The following RAB30 variants were observed in gnomAD, a reference collection of about 807,000 sequenced individuals.
RAB30 encodes the protein ras-related protein Rab-30.
A neutral mutation model predicts 25.1 loss-of-function variants in RAB30; 9 were observed. The observed-to-expected ratio is 0.36, with a 90% CI of 0.22 to 0.63. RAB30 has a LOEUF of 0.63. RAB30 is among the 20% of genes least tolerant of loss of function. The probability of loss-of-function intolerance (pLI) is 0.69; values close to 1 mark genes in which losing one functional copy is unlikely to be tolerated. For synonymous variants in RAB30, 77 were observed against 86.4 expected, an observed-to-expected ratio of 0.89 and a Z score of 0.60; for missense variants, 140 against 243.5, an observed-to-expected ratio of 0.58 and a Z score of 2.83.
intron 4 of RAB30, among the ~76,000 whole-genome samples, chr11:82,983,253 C>T (rs2121431094): frequency 1.3e-5 from 2 of 152,026 alleles, no homozygotes; most frequent in South Asian, 4.2e-4. Context: ...GGAATAGAAA[C>T]CAGACCTCTC....
At chr11:82,990,831 A>G (rs1184241796) in intron 3 of RAB30, among the ~76,000 whole-genome samples, 1 of 152,134 alleles carries the variant, frequency 6.6e-6, no homozygotes, top group East Asian at 1.9e-4. Context: ...CATACAGTTC[A>G]GTGGTCTATA....
chr11:83,070,483 GT>G (rs1389275723), intron 1 of RAB30, among the ~76,000 whole-genome samples: 1 of 152,212 alleles, frequency 6.6e-6, no homozygotes, highest in Non-Finnish European at 1.5e-5. Flanking sequence ...GCATTCTAGA[GT>G]TAAGCAAATA....
At chr11:82,997,447 C>A in intron 1 of RAB30, 123 bp from the exon 2 acceptor site, 1 of 680,950 alleles carries the variant, frequency 1.5e-6, no homozygotes, top group Non-Finnish European at 2.6e-6. Context: ...ATTTAAAGCT[C>A]CCCTCCGGTG....
rs371246539 is a variant in RAB30, at chr11:82,996,355, A to C, written c.93+869T>G. The stretch of plus-strand genomic sequence containing the variant: ...CAGGCTCACAGAGCAAGCCAGGGGC[A>C]GAACCAGGACTAAGACCCATGTCTC... On this transcript the variant is annotated intron_variant, in intron 2 of 4. Coordinates refer to ENST00000527633, the MANE Select transcript of RAB30 (RefSeq NM_001286060.2). Among the ~76,000 whole-genome samples, 18 of 152,340 alleles carry C rather than the reference A, an allele frequency of 1.2e-4. No individual in the cohort carries two copies. In the East Asian group the frequency reaches 3.3e-3, roughly 28 times the overall value.
Position 82,978,537 on chromosome 11 carries a change from T to C in RAB30, c.*3628A>G, listed in dbSNP as rs1446105096. On this transcript the variant is annotated 3_prime_UTR_variant, in exon 5 of 5. Coordinates refer to ENST00000527633, the MANE Select transcript of RAB30 (RefSeq NM_001286060.2). ...TTTTCTGATTGTGCTATTTCATTCATGTGGCTTGGCTTAAAAGAAGATGTT... is the reference window on the plus strand; with the variant it reads ...TTTTCTGATTGTGCTATTTCATTCACGTGGCTTGGCTTAAAAGAAGATGTT... 6.6e-6 allele frequency: 1 copy of C among 151,782 alleles called. No individual in the cohort carries two copies. Among genetic ancestry groups the C allele is most frequent in the African/African-American group, 2.4e-5 (1 of 41,364 alleles). 9.4% of individuals were successfully genotyped at this position (151,782 alleles called of 1,614,324 possible).
chr11:82,997,616 A>G, intron 1 of RAB30: 1 of 325,834 alleles, frequency 3.1e-6, no homozygotes, highest in Non-Finnish European at 5.8e-6. Context: ...CCTGTGATAA[A>G]TCTGTTTTCT....
intron 3 of RAB30, among the ~76,000 whole-genome samples, chr11:82,991,346 A>G (rs1375738441): frequency 6.6e-6 from 1 of 151,852 alleles, no homozygotes; most frequent in East Asian, 1.9e-4. Context: ...CAAAAAATAA[A>G]AATAAAAATG....
chr11:83,063,627 T>C (rs771659154), intron 1 of RAB30, among the ~76,000 whole-genome samples: 4 of 152,202 alleles, frequency 2.6e-5, no homozygotes, highest in Non-Finnish European at 5.9e-5. Context: ...CCCCGTTCTG[T>C]TCACCCTTCG....
chr11:83,021,834 T>C (rs1172352968), intron 1 of RAB30, among the ~76,000 whole-genome samples: 1 of 152,248 alleles, frequency 6.6e-6, no homozygotes, highest in Non-Finnish European at 1.5e-5. Context: ...GTAAAGCATC[T>C]GTCACAGTAC....
rs2121413307 is a variant in RAB30, at chr11:82,973,844, G to A, written c.*8321C>T. ...AGCAGCATTATTATAATCAAAAGGT[G>A]GAAAAAACCCAAATGTCCATCAAAT... On this transcript the variant is annotated 3_prime_UTR_variant, in exon 5 of 5. Transcript: ENST00000527633. 1 of 152,056 alleles carries A rather than the reference G, an allele frequency of 6.6e-6. No individual in the cohort carries two copies. The highest frequency in any genetic ancestry group is 3.4e-3 in the Middle Eastern group (1 of 292). 9.4% of individuals were successfully genotyped at this position (152,056 alleles called of 1,614,324 possible).
chr11:83,036,023 T>A (rs978932217), intron 1 of RAB30, among the ~76,000 whole-genome samples: 4 of 152,146 alleles, frequency 2.6e-5, no homozygotes, highest in African/African-American at 9.7e-5. Flanking sequence ...GGTGGGTACA[T>A]TCACAGCCAA....
chr11:83,032,478 G>A lies in RAB30; in HGVS notation c.-8-35154C>T, dbSNP rs370252234. Among the ~76,000 whole-genome samples the A allele has an allele frequency of 7.2e-5, 11 of 152,216 alleles. No homozygotes were observed. The South Asian group carries it at 2.1e-3, about 29-fold the overall frequency. ...AAATAATGTTCCATCTGATAAATTG[G>A]ATGGCAAATTCACAATTTTCTTTCT... On this transcript the variant is annotated intron_variant, in intron 1 of 4. Transcript: ENST00000527633.
At chr11:83,050,356 T>C (rs1167917592) in intron 1 of RAB30, among the ~76,000 whole-genome samples, 2 of 152,170 alleles carry the variant, frequency 1.3e-5, no homozygotes, top group Admixed American at 1.3e-4. Context: ...CTACCCACAC[T>C]GTAAGAACCT....
intron 1 of RAB30, among the ~76,000 whole-genome samples, chr11:83,007,556 C>G (rs1251210769): frequency 6.6e-6 from 1 of 152,166 alleles, no homozygotes; most frequent in Non-Finnish European, 1.5e-5. Flanking sequence ...CAAGCAAACA[C>G]CTGAATTATC....
intron 1 of RAB30, among the ~76,000 whole-genome samples, chr11:83,005,878 C>T (rs1276286013): frequency 2.0e-5 from 3 of 150,796 alleles, no homozygotes; most frequent in East Asian, 1.9e-4. Flanking sequence ...ATTCAATAAC[C>T]GACTAGAAAA....
rs934869515 is a variant in RAB30, at chr11:82,981,050, A to C, written c.*1115T>G. On this transcript the variant is annotated 3_prime_UTR_variant, in exon 5 of 5. Transcript: ENST00000527633. ...GTCGTGAGACTTTTCATCTGTTGCTATTCTCACTTATCATACTAAAAAATC... is the reference window on the plus strand; with the variant it reads ...GTCGTGAGACTTTTCATCTGTTGCTCTTCTCACTTATCATACTAAAAAATC... 1 of 152,174 alleles carries C rather than the reference A, an allele frequency of 6.6e-6. No homozygotes were observed. The highest frequency in any genetic ancestry group is 2.4e-5 in the African/African-American group (1 of 41,434). 9.4% of individuals were successfully genotyped at this position (152,174 alleles called of 1,614,324 possible).
chr11:83,062,472 G>A (rs1423546134), intron 1 of RAB30, among the ~76,000 whole-genome samples: 1 of 152,072 alleles, frequency 6.6e-6, no homozygotes, highest in Non-Finnish European at 1.5e-5. Context: ...CACAAACACT[G>A]GCTGAAGAAG....
intron 1 of RAB30, among the ~76,000 whole-genome samples, chr11:83,016,971 A>G (rs990051379): frequency 6.6e-6 from 1 of 151,980 alleles, no homozygotes; most frequent in Non-Finnish European, 1.5e-5. Flanking sequence ...GTTGGAGGGG[A>G]GGATGGGGAC....
At chr11:82,987,875 C>T in intron 3 of RAB30, 105 bp from the exon 4 acceptor site, 1 of 247,876 alleles carries the variant, frequency 4.0e-6, no homozygotes, top group East Asian at 7.0e-5. Flanking sequence ...TACACCTTTA[C>T]CCAAACAATT....
Sources: gnomAD v4.1 joint callset for allele counts (sites outside exome capture counted in the v4.1 genomes callset) on GRCh38, gnomAD v4.1.1 for gene constraint, MANE v1.5 for transcripts, NCBI Gene and HGNC (gene_info 2026-07-23, HGNC 2026-07-21) for gene names.